The following EPG5 variants were observed in gnomAD, a reference collection of about 807,000 sequenced individuals.
EPG5 encodes ectopic P-granules 5 autophagy tethering factor, also known as ectopic P granules protein 5 homolog.
Under a neutral mutation model 302.7 loss-of-function variants are expected in EPG5, and 159 were observed. The ratio of observed to expected loss-of-function variants is 0.53; its 90% CI spans 0.46 to 0.60. The LOEUF (loss-of-function observed/expected upper bound fraction) is 0.60, where lower values mean the gene tolerates loss of function less well. Among genes scored for constraint, EPG5 ranks in the 20% least tolerant of loss-of-function variants. EPG5 has a pLI of 0.00. For synonymous variants in EPG5, 1,158 were observed against 1,136.8 expected (o/e 1.02, Z -0.37); for missense variants, 2,896 against 3,092.4 (o/e 0.94, Z 1.51).
chr18:45,802,025 T>C, the EPG5 span, among the ~76,000 whole-genome samples: 3 of 152,254 alleles, frequency 2.0e-5, no homozygotes, highest in East Asian at 3.9e-4. Context: ...TTTTGTCCTG[T>C]GGCACCTCAC....
At chr18:45,922,650 C>T in intron 15 of EPG5, 50 bp from the exon 16 acceptor site, 1 of 1,591,578 alleles carries the variant, frequency 6.3e-7, no homozygotes, top group African/African-American at 1.3e-5. Flanking sequence ...CAAATTAAAT[C>T]AGTAAGCTCA....
intron 42 of EPG5, among the ~76,000 whole-genome samples, chr18:45,856,444 G>A (rs1456406249): frequency 6.6e-6 from 1 of 152,166 alleles, no homozygotes; most frequent in Non-Finnish European, 1.5e-5. Flanking sequence ...TCCTTTTGGA[G>A]TGATGAAAAT....
chr18:45,893,535 AGAGT>A (rs1161736240), intron 27 of EPG5, among the ~76,000 whole-genome samples: 1 of 148,788 alleles, frequency 6.7e-6, no homozygotes, highest in African/African-American at 2.5e-5. Context: ...CCTGGGCGAC[AGAGT>A]GAGACTCTGT....
In EPG5 at chr18:45,882,327, A is replaced by G; in HGVS notation, c.5465T>C (p.Leu1822Pro). 1 of 1,614,240 alleles carries G rather than the reference A, an allele frequency of 6.2e-7. No individual in the cohort carries two copies. The highest frequency in any genetic ancestry group is 8.5e-7 in the Non-Finnish European group (1 of 1,180,040). The change falls in exon 31 of 44, where the codon CTT (leucine) becomes CCT (proline). Residue 1822 changes from leucine (L) to proline (P), a missense_variant. Physicochemically the swap from Leu to Pro is moderately conservative, Grantham distance 98 (BLOSUM62 -3). This residue lies in a region of EPG5 where 790 missense variants were observed against 798.0 expected (regional missense o/e 0.99). Coordinates refer to ENST00000282041, the MANE Select transcript of EPG5 (RefSeq NM_020964.3). The part of the protein sequence containing the change: ...NLFCKHWTYL[L>P]LYQFPDQYSD... ...GTACTGGTCAGGAAACTGGTAGAGA[A>G]GAAGATAAGTCCAGTGCTTACAGAA...
At chr18:45,933,728 T>C (rs1473713405) in intron 11 of EPG5, among the ~76,000 whole-genome samples, 9 of 152,172 alleles carry the variant, frequency 5.9e-5, no homozygotes, top group African/African-American at 9.7e-5. Context: ...AGAAACTACT[T>C]TGCAAACAGT....
intron 16 of EPG5, among the ~76,000 whole-genome samples, chr18:45,921,670 T>C (rs1295190374): frequency 6.6e-5 from 10 of 152,240 alleles, no homozygotes; most frequent in Admixed American, 5.2e-4. Context: ...TCTGACCTAG[T>C]CAGGCATTTC....
chr18:45,903,939 C>T (rs891101229), intron 25 of EPG5, 34 bp downstream of exon 25: 17 of 1,577,278 alleles, frequency 1.1e-5, no homozygotes, highest in Non-Finnish European at 1.5e-5. Context: ...CATTCATTCA[C>T]TCATTCGAAG....
At chr18:45,917,618 A>C (rs1211279113) in intron 17 of EPG5, 61 bp downstream of exon 17, 1 of 1,583,568 alleles carries the variant, frequency 6.3e-7, no homozygotes, top group African/African-American at 1.4e-5. Flanking sequence ...CAGAAGACAC[A>C]ATCATTTGTA....
At chr18:45,838,237 T>G in the EPG5 span, among the ~76,000 whole-genome samples, 1 of 152,166 alleles carries the variant, frequency 6.6e-6, no homozygotes, top group Non-Finnish European at 1.5e-5. Flanking sequence ...CAATGTGGTG[T>G]GTGCTACCAG....
At position 45,860,234 on chromosome 18, in the gene EPG5, C is replaced by G; in HGVS notation, c.6879G>C (p.Arg2293=). 10 of 1,614,222 alleles carry G rather than the reference C, an allele frequency of 6.2e-6. No homozygotes were observed. Among genetic ancestry groups the G allele is most frequent in the Non-Finnish European group, 8.5e-6 (10 of 1,180,034 alleles). Residue 2293 remains arginine (R), a synonymous_variant, in exon 40 of 44, where the codon CGG becomes CGC. Transcript: ENST00000282041. The part of the protein sequence containing the change: ...PTAEFLRGSI[R]TWIGQKMHGL... ...CATGCATTTTTTGGCCAATCCAGGT[C>G]CGGATACTGCCCCGAAGGAACTCTG...
chr18:45,897,994 T>A (rs1359224788), intron 27 of EPG5, among the ~76,000 whole-genome samples: 1 of 152,194 alleles, frequency 6.6e-6, no homozygotes, highest in Non-Finnish European at 1.5e-5. Flanking sequence ...GCAGTGCTAA[T>A]CTCCAAGCAT....
the EPG5 span, chr18:45,837,221 T>A: frequency 1.4e-6 from 2 of 1,406,118 alleles, no homozygotes; most frequent in Non-Finnish European, 1.9e-6. Context: ...TCAAGGGGCC[T>A]GCAGGTGAAT....
chr18:45,865,506 TG>T, intron 39 of EPG5, 108 bp downstream of exon 39: 1 of 1,211,814 alleles, frequency 8.3e-7, no homozygotes, highest in Non-Finnish European at 1.2e-6. Flanking sequence ...ATTGCTTCTC[TG>T]GAAAGAGGAG....
chr18:45,944,220 T>C (rs1224967942), intron 7 of EPG5, 101 bp from the exon 8 acceptor site: 24 of 715,080 alleles, frequency 3.4e-5, no homozygotes, highest in Non-Finnish European at 4.9e-5. Flanking sequence ...ATGGTATACA[T>C]GTGATATCCT....
chr18:45,854,681 G>T (rs574405406), intron 43 of EPG5, among the ~76,000 whole-genome samples: 1 of 152,084 alleles, frequency 6.6e-6, no homozygotes, highest in Admixed American at 6.5e-5. Context: ...GCAACAAAGC[G>T]AGACCCAGTC....
intron 35 of EPG5, among the ~76,000 whole-genome samples, chr18:45,871,818 A>T (rs2048877276): frequency 6.6e-6 from 1 of 152,200 alleles, no homozygotes; most frequent in African/African-American, 2.4e-5. Flanking sequence ...TTGCTGATCA[A>T]AAGGGCACAA....
intron 24 of EPG5, among the ~76,000 whole-genome samples, chr18:45,906,145 T>C (rs2049746124): frequency 6.6e-6 from 1 of 152,184 alleles, no homozygotes; most frequent in African/African-American, 2.4e-5. Context: ...GATAGAGAGC[T>C]CTCGTTGAAG....
intron 1 of EPG5, among the ~76,000 whole-genome samples, chr18:45,956,287 G>C (rs909085049): frequency 6.6e-6 from 1 of 152,128 alleles, no homozygotes. Flanking sequence ...GGTCATGAAA[G>C]ACAAGACTGA....
chr18:45,900,541 T>C (rs1006542437), intron 26 of EPG5, among the ~76,000 whole-genome samples: 38 of 152,220 alleles, frequency 2.5e-4, no homozygotes, highest in Admixed American at 1.4e-3. Context: ...CTTAAATGGT[T>C]GATCATATTG....
Sources: gnomAD v4.1 joint callset for allele counts (sites outside exome capture counted in the v4.1 genomes callset) on GRCh38, gnomAD v4.1.1 for gene constraint, gnomAD v4.1.1 regional missense constraint, MANE v1.5 for transcripts, NCBI Gene and HGNC (gene_info 2026-07-23, HGNC 2026-07-21) for gene names.